Variants in ABCA13 observed in about 807,000 individuals in gnomAD.
The protein encoded by ABCA13 is ATP-binding cassette sub-family A member 13.
Under a neutral mutation model 478.7 loss-of-function variants are expected in ABCA13, and 476 were observed. The ratio of observed to expected loss-of-function variants is 0.99; its 90% CI spans 0.92 to 1.07. The LOEUF (loss-of-function observed/expected upper bound fraction) is 1.07. Ranked by LOEUF, ABCA13 falls within the 50% of genes least tolerant of loss-of-function variation. The pLI, the probability that ABCA13 is intolerant of heterozygous loss-of-function variation, is 0.00. For synonymous variants in ABCA13, 2,252 were observed against 2,158.9 expected (o/e 1.04, Z -1.20); for missense variants, 6,060 against 5,910.6 (o/e 1.03, Z -0.83).
chr7:48,335,356 G>T, intron 27 of ABCA13, 66 bp from the exon 28 acceptor site: 1 of 1,235,434 alleles, frequency 8.1e-7, no homozygotes, highest in Middle Eastern at 1.9e-4. Context: ...TACAGTCCTT[G>T]TTGGAAGATT....
intron 39 of ABCA13, 200 bp downstream of exon 39, chr7:48,404,079 G>T (rs1465191741): frequency 2.1e-5 from 13 of 620,516 alleles, no homozygotes; most frequent in Middle Eastern, 8.3e-4. Flanking sequence ...CTTACTTTGT[G>T]TTTGACCTTT....
intron 15 of ABCA13, among the ~76,000 whole-genome samples, chr7:48,260,285 C>T (rs551087287): frequency 3.9e-5 from 6 of 152,014 alleles, no homozygotes; most frequent in Non-Finnish European, 8.8e-5. Flanking sequence ...AGTCAGTTGA[C>T]TCCTTTTCTG....
intron 55 of ABCA13, among the ~76,000 whole-genome samples, chr7:48,546,553 G>A (rs895479694): frequency 5.3e-4 from 78 of 148,450 alleles, no homozygotes; most frequent in African/African-American, 1.9e-3. Context: ...ATAATAAACG[G>A]GATATAAACT....
chr7:48,614,975 T>C (rs1490223807), intron 58 of ABCA13, among the ~76,000 whole-genome samples: 1 of 150,052 alleles, frequency 6.7e-6, no homozygotes, highest in African/African-American at 2.4e-5. Context: ...GCATGGCACA[T>C]GTATACATAT....
intron 2 of ABCA13, among the ~76,000 whole-genome samples, chr7:48,193,719 AATG>A (rs1406605820): frequency 2.1e-5 from 3 of 141,964 alleles, no homozygotes; most frequent in Non-Finnish European, 4.7e-5. Context: ...AGATAATAGT[AATG>A]ATGAAGATGA....
intron 52 of ABCA13, among the ~76,000 whole-genome samples, chr7:48,517,904 C>A (rs906470230): frequency 3.9e-5 from 6 of 152,130 alleles, no homozygotes; most frequent in African/African-American, 1.4e-4. Context: ...CATTTCAAAT[C>A]AAACAGGGAC....
chr7:48,240,138 A>C (rs1790596091), intron 9 of ABCA13, among the ~76,000 whole-genome samples: 1 of 152,202 alleles, frequency 6.6e-6, no homozygotes, highest in Non-Finnish European at 1.5e-5. Flanking sequence ...GTCATGTATA[A>C]AGGCCAAAAT....
chr7:48,351,748 A>G (rs1329525174), intron 30 of ABCA13, among the ~76,000 whole-genome samples: 1 of 152,238 alleles, frequency 6.6e-6, no homozygotes, highest in Non-Finnish European at 1.5e-5. Context: ...TAGCTGTGAT[A>G]GGCTTTATGC....
intron 42 of ABCA13, among the ~76,000 whole-genome samples, chr7:48,446,387 TA>T (rs1233064863): frequency 4.8e-3 from 556 of 116,998 alleles, no homozygotes; most frequent in Admixed American, 7.5e-3. Context: ...TCATGCCCTT[TA>T]AAAAAAAAAA....
At position 48,207,793 on chromosome 7, in the gene ABCA13, AG is replaced by A. The variant is rs1785117455; in HGVS notation, c.287+9434del. On this transcript the variant is annotated intron_variant, in intron 3 of 61. Transcript: ENST00000435803. ...TATATTATTTTCTTTGCTGTGCAGA[AG>A]CTTTTGAGCTTGATGTGATCCATTT... is the stretch of plus-strand genomic sequence containing the variant. Among the ~76,000 whole-genome samples the A allele has an allele frequency of 2.6e-5, 4 of 152,072 alleles. No individual in the cohort carries two copies. In the South Asian group the frequency reaches 8.3e-4, roughly 32 times the overall value.
chr7:48,217,213 C>G (rs577293435), intron 3 of ABCA13, among the ~76,000 whole-genome samples: 8 of 152,312 alleles, frequency 5.3e-5, no homozygotes, highest in South Asian at 2.1e-4. Context: ...GATCCTTCCT[C>G]TCTGGCTCAG....
At chr7:48,193,127 T>C in intron 2 of ABCA13, 75 bp downstream of exon 2, 4 of 1,066,394 alleles carry the variant, frequency 3.8e-6, no homozygotes, top group Non-Finnish European at 5.4e-6. Context: ...TTTCTTGTTT[T>C]TTATAAACTC....
chr7:48,526,842 A>C (rs1832920954), intron 54 of ABCA13, among the ~76,000 whole-genome samples: 1 of 152,200 alleles, frequency 6.6e-6, no homozygotes, highest in South Asian at 2.1e-4. Flanking sequence ...ATAATCAGTT[A>C]GGAAACAAAA....
At chr7:48,180,817 G>T (rs1335753032) in intron 1 of ABCA13, among the ~76,000 whole-genome samples, 1 of 152,088 alleles carries the variant, frequency 6.6e-6, no homozygotes, top group Non-Finnish European at 1.5e-5. Context: ...CAGGAGGATC[G>T]CTTCAGCCCA....
At chr7:48,478,785 G>T (rs1297145236) in intron 45 of ABCA13, among the ~76,000 whole-genome samples, 1 of 152,066 alleles carries the variant, frequency 6.6e-6, no homozygotes, top group African/African-American at 2.4e-5. Context: ...ACTTCATCCT[G>T]TGCTTTGGGA....
intron 43 of ABCA13, among the ~76,000 whole-genome samples, chr7:48,464,838 A>C (rs937054058): frequency 6.6e-6 from 1 of 152,190 alleles, no homozygotes; most frequent in African/African-American, 2.4e-5. Flanking sequence ...GAACAAGGGT[A>C]AGCCTCCAGT....
In ABCA13 at chr7:48,645,508, T is replaced by A. The variant is rs751602509; in HGVS notation, c.15173T>A (p.Ile5058Asn). The A allele has an allele frequency of 7.0e-6, 11 of 1,578,230 alleles. No homozygotes were observed. The African/African-American group carries it at 1.1e-4, about 15-fold the overall frequency. The change falls in exon 62 of 62, where the codon ATC (isoleucine) becomes AAC (asparagine). Residue 5058 changes from isoleucine (I) to asparagine (N), a missense_variant. This residue lies in a region of ABCA13 where 1,627 missense variants were observed against 1,571.0 expected (regional missense o/e 1.04). Coordinates refer to ENST00000435803, the MANE Select transcript of ABCA13 (RefSeq NM_152701.5). ...TDSHHTHHLP[I>N] is the part of the protein sequence containing the mutation. ...AGTCACCACACACATCACTTGCCCA[T>A]CTGAGCACTAAAGAAGTTTCCATAA...
chr7:48,232,196 C>T (rs186286216), intron 7 of ABCA13, among the ~76,000 whole-genome samples: 3 of 113,984 alleles, frequency 2.6e-5, no homozygotes, highest in East Asian at 5.8e-4. Flanking sequence ...AGCTCATTAA[C>T]GTTTAACTCC....
At chr7:48,400,775 C>G (rs1817496531) in intron 38 of ABCA13, among the ~76,000 whole-genome samples, 1 of 152,244 alleles carries the variant, frequency 6.6e-6, no homozygotes, top group Non-Finnish European at 1.5e-5. Context: ...GCCAATGCCT[C>G]AGTGGCTTAG....
Sources: allele counts gnomAD v4.1 joint callset (sites outside exome capture counted in the v4.1 genomes callset), GRCh38; gene constraint gnomAD v4.1.1; regional missense constraint gnomAD v4.1.1; transcripts MANE v1.5; gene names NCBI Gene and HGNC (gene_info 2026-07-23, HGNC 2026-07-21).